TSHZ2: variants seen among roughly 807,000 people sequenced by gnomAD.
TSHZ2 encodes teashirt homolog 2.
Under a neutral mutation model 74.4 loss-of-function variants are expected in TSHZ2, and 21 were observed. The observed-to-expected ratio is 0.28, with a 90% CI of 0.20 to 0.41. The LOEUF is 0.41. Among genes scored for constraint, TSHZ2 ranks in the 10% least tolerant of loss-of-function variants. The pLI is 1.00. For missense variants in TSHZ2, 1,244 were observed against 1,293.5 expected (o/e 0.96, Z 0.59); for synonymous variants, 540 against 515.3 (o/e 1.05, Z -0.65).
chr20:53,006,813 G>T (rs140657861), intron 1 of TSHZ2, among the ~76,000 whole-genome samples: 21 of 152,248 alleles, frequency 1.4e-4, no homozygotes, highest in African/African-American at 4.8e-4. Flanking sequence ...AATCTGTCAT[G>T]TTGGGTGGTG....
intron 1 of TSHZ2, among the ~76,000 whole-genome samples, chr20:53,222,947 TG>T (rs1989598202): frequency 6.6e-6 from 1 of 152,234 alleles, no homozygotes; most frequent in Admixed American, 6.5e-5. Flanking sequence ...AAAAGCTACT[TG>T]GCACCTGTGG....
At chr20:53,348,653 A>C (rs1746741680) in intron 2 of TSHZ2, among the ~76,000 whole-genome samples, 1 of 152,174 alleles carries the variant, frequency 6.6e-6, no homozygotes, top group South Asian at 2.1e-4. Flanking sequence ...TGAATCATGG[A>C]GGGGAGCTGG....
At chr20:53,237,829 G>A (rs138889707) in intron 1 of TSHZ2, among the ~76,000 whole-genome samples, 160 of 152,280 alleles carry the variant, frequency 1.1e-3, no homozygotes, top group African/African-American at 3.6e-3. Flanking sequence ...CAATGAGCAT[G>A]TGGGGACTCT....
chr20:53,175,701 G>C (rs1345466325), intron 1 of TSHZ2, among the ~76,000 whole-genome samples: 6 of 152,278 alleles, frequency 3.9e-5, no homozygotes, highest in Non-Finnish European at 5.9e-5. Flanking sequence ...GCCATACAGT[G>C]AATCAGGAAT....
In TSHZ2 at chr20:53,031,909, AGAAG is replaced by A. The variant is rs1298364600; in HGVS notation, c.40+58582_40+58585del. On this transcript the variant is annotated intron_variant, in intron 1 of 2. Coordinates refer to ENST00000371497, the MANE Select transcript of TSHZ2 (RefSeq NM_173485.6). ...GCAGCATGATTAGGGAAGGAAGGAA[AGAAG>A]GAAGGGAGGGAGGGAGGAGAGAGGA... Among the ~76,000 whole-genome samples, 22 of 152,142 alleles carry A rather than the reference AGAAG, an allele frequency of 1.4e-4. 2 individuals carry two copies. The highest frequency in any genetic ancestry group is 5.8e-4 in the East Asian group (3 of 5,164).
At chr20:53,437,621 C>A (rs535566421) in intron 2 of TSHZ2, among the ~76,000 whole-genome samples, 3 of 152,302 alleles carry the variant, frequency 2.0e-5, no homozygotes, top group East Asian at 3.9e-4. Context: ...CACTGGAAAT[C>A]TGGCCTTCTC....
intron 2 of TSHZ2, among the ~76,000 whole-genome samples, chr20:53,268,437 A>T (rs968680581): frequency 3.9e-5 from 6 of 152,172 alleles, no homozygotes; most frequent in Non-Finnish European, 1.5e-5. Context: ...GAAGAACTCA[A>T]GCAGGAGGAG....
At chr20:53,312,335 A>G (rs775385997) in intron 2 of TSHZ2, among the ~76,000 whole-genome samples, 2 of 152,176 alleles carry the variant, frequency 1.3e-5, no homozygotes, top group African/African-American at 2.4e-5. Flanking sequence ...TAACTTGTTC[A>G]GTTTGGGTGA....
intron 2 of TSHZ2, among the ~76,000 whole-genome samples, chr20:53,333,272 G>A (rs1979799475): frequency 6.6e-6 from 1 of 152,070 alleles, no homozygotes; most frequent in African/African-American, 2.4e-5. Flanking sequence ...AAAGAAGTAG[G>A]GACAAGTTGG....
intron 1 of TSHZ2, among the ~76,000 whole-genome samples, chr20:53,152,841 T>G (rs553805648): frequency 6.6e-6 from 1 of 152,302 alleles, no homozygotes; most frequent in Non-Finnish European, 1.5e-5. Context: ...GGAGAGATAT[T>G]CAAGTAAACA....
At chr20:53,435,390 T>TC (rs1211885444) in intron 2 of TSHZ2, among the ~76,000 whole-genome samples, 1 of 152,046 alleles carries the variant, frequency 6.6e-6, no homozygotes, top group Admixed American at 6.5e-5. Flanking sequence ...TCTTTGTTTT[T>TC]CCCCCGCCCC....
At chr20:53,065,893 C>T (rs1984968097) in intron 1 of TSHZ2, among the ~76,000 whole-genome samples, 1 of 152,196 alleles carries the variant, frequency 6.6e-6, no homozygotes, top group Non-Finnish European at 1.5e-5. Flanking sequence ...ATTCAGCTTC[C>T]TGAGATTGTG....
chr20:53,388,710 C>T (rs182629050), intron 2 of TSHZ2, among the ~76,000 whole-genome samples: 2 of 151,084 alleles, frequency 1.3e-5, no homozygotes, highest in African/African-American at 2.4e-5. Context: ...CCCAAGTAGT[C>T]GGAATTATAG....
intron 2 of TSHZ2, among the ~76,000 whole-genome samples, chr20:53,346,197 C>T (rs923119076): frequency 2.0e-5 from 3 of 152,144 alleles, no homozygotes; most frequent in Non-Finnish European, 2.9e-5. Context: ...TTGTGCTGAG[C>T]GCTGCGATGA....
At chr20:53,190,127 A>AT (rs1568803475) in intron 1 of TSHZ2, among the ~76,000 whole-genome samples, 3 of 90,660 alleles carry the variant, frequency 3.3e-5, no homozygotes, top group African/African-American at 1.5e-4. Flanking sequence ...ATATATATAT[A>AT]TATATATATA....
chr20:53,200,553 A>G (rs1244318176), intron 1 of TSHZ2, among the ~76,000 whole-genome samples: 2 of 152,236 alleles, frequency 1.3e-5, no homozygotes, highest in Non-Finnish European at 2.9e-5. Flanking sequence ...TGCATTAAAG[A>G]CAAGAGTGCT....
intron 2 of TSHZ2, among the ~76,000 whole-genome samples, chr20:53,260,639 T>C (rs1990583422): frequency 6.6e-6 from 1 of 152,222 alleles, no homozygotes; most frequent in Admixed American, 6.5e-5. Flanking sequence ...CTCACTTGCT[T>C]TCATGAAGAC....
intron 2 of TSHZ2, chr20:53,399,983 G>A (rs1437793440): frequency 6.8e-6 from 1 of 147,834 alleles, no homozygotes; most frequent in African/African-American, 2.5e-5. Context: ...AGTATAGACT[G>A]GCCACTCACT....
chr20:52,992,434 G>A (rs1197000385), intron 1 of TSHZ2, among the ~76,000 whole-genome samples: 1 of 152,188 alleles, frequency 6.6e-6, no homozygotes. Context: ...AAGCAGGCTA[G>A]CAATCGTAAG....
Sources: gnomAD v4.1 joint callset for allele counts (sites outside exome capture counted in the v4.1 genomes callset) on GRCh38, gnomAD v4.1.1 for gene constraint, MANE v1.5 for transcripts, NCBI Gene and HGNC (gene_info 2026-07-23, HGNC 2026-07-21) for gene names.